GPC6: variants seen among roughly 807,000 people sequenced by gnomAD.
The protein encoded by GPC6 is glypican 6.
In GPC6, 14 loss-of-function variants were observed where a neutral mutation model predicts 55.2. The ratio of observed to expected loss-of-function variants is 0.25; its 90% CI spans 0.17 to 0.40. The LOEUF is 0.40. Ranked by LOEUF, GPC6 falls within the 10% of genes least tolerant of loss-of-function variation. GPC6 has a pLI of 1.00. For missense variants in GPC6, 641 were observed against 708.5 expected (o/e 0.90, Z 1.08); for synonymous variants, 278 against 259.6 (o/e 1.07, Z -0.68).
At chr13:93,370,466 A>G (rs979032503) in intron 1 of GPC6, among the ~76,000 whole-genome samples, 1 of 152,154 alleles carries the variant, frequency 6.6e-6, no homozygotes, top group East Asian at 1.9e-4. Context: ...GGGAAAAATA[A>G]TGCTGGATTT....
intron 4 of GPC6, among the ~76,000 whole-genome samples, chr13:94,205,115 T>C (rs1889864188): frequency 1.3e-5 from 2 of 152,228 alleles, no homozygotes; most frequent in South Asian, 4.1e-4. Flanking sequence ...AAAGCATCTG[T>C]TGCCTGTAAA....
At position 93,582,007 on chromosome 13, in the gene GPC6, C is replaced by T. The variant is rs139872498; in HGVS notation, c.319+36586C>T. ...TGCTATACTGAGATTAAAGAAGTTC[C>T]TCTGGGTATGCAGAGAGAGACGGTT... On this transcript the variant is annotated intron_variant, in intron 2 of 8. Coordinates refer to ENST00000377047, the MANE Select transcript of GPC6 (RefSeq NM_005708.5). 2.0e-3 allele frequency among the ~76,000 whole-genome samples: 300 copies of T among 152,216 alleles called. 1 individual carries two copies. Among genetic ancestry groups the T allele is most frequent in the African/African-American group, 7.1e-3 (294 of 41,530 alleles).
intron 1 of GPC6, among the ~76,000 whole-genome samples, chr13:93,339,343 T>C (rs952174642): frequency 6.6e-6 from 1 of 151,606 alleles, no homozygotes; most frequent in Non-Finnish European, 1.5e-5. Context: ...CTTCTCTGTA[T>C]TTTCTGTGTG....
intron 1 of GPC6, among the ~76,000 whole-genome samples, chr13:93,473,175 C>G (rs1879184791): frequency 1.3e-5 from 2 of 152,198 alleles, no homozygotes; most frequent in African/African-American, 4.8e-5. Flanking sequence ...CACCAGGGAC[C>G]TGCCCCCTTT....
chr13:93,677,972 T>C (rs945290770), intron 2 of GPC6, among the ~76,000 whole-genome samples: 2 of 152,112 alleles, frequency 1.3e-5, no homozygotes, highest in African/African-American at 4.8e-5. Flanking sequence ...GATTAAAAAA[T>C]TTAAATACTA....
chr13:93,489,254 C>T lies in GPC6; in HGVS notation c.161-56009C>T, dbSNP rs1318940002. On this transcript the variant is annotated intron_variant, in intron 1 of 8. Transcript: ENST00000377047. ...TCCTTTCCCTATTTCTTGCTTTTGTCAGGTTTGTCAAAGATCAGATGGTTG... is the reference window on the plus strand; with the variant it reads ...TCCTTTCCCTATTTCTTGCTTTTGTTAGGTTTGTCAAAGATCAGATGGTTG... Among the ~76,000 whole-genome samples, 4 of 151,420 alleles carry T rather than the reference C, an allele frequency of 2.6e-5. 1 individual carries two copies. The highest frequency in any genetic ancestry group is 4.4e-4 in the East Asian group (2 of 4,528).
rs919139802 is a variant in GPC6, at chr13:94,308,371, T to C, written c.1152+2248T>C. On this transcript the variant is annotated intron_variant, in intron 6 of 8. Transcript: ENST00000377047. Reference sequence around the variant, plus strand: ...ATTTGAACCTTTTATAAAGGAACTTTATTGGTAATGTTCAAAATGCTCTAG... The same window carrying C: ...ATTTGAACCTTTTATAAAGGAACTTCATTGGTAATGTTCAAAATGCTCTAG... Among the ~76,000 whole-genome samples, 31 of 152,354 alleles carry C rather than the reference T, an allele frequency of 2.0e-4. 1 individual carries two copies. The highest frequency in any genetic ancestry group is 2.0e-3 in the Admixed American group (31 of 15,304).
Position 93,271,267 on chromosome 13 carries a change from G to C in GPC6, c.160+43651G>C, listed in dbSNP as rs73540362. ...TCTCTTGACCTTTATCTTCTGCTTT[G>C]TGTAATTTTAACTCAACTACGTTAC... On this transcript the variant is annotated intron_variant, in intron 1 of 8. Transcript: ENST00000377047. Among the ~76,000 whole-genome samples the C allele has an allele frequency of 5.1e-3, 778 of 152,180 alleles. 5 individuals are homozygous for C. Among genetic ancestry groups the C allele is most frequent in the African/African-American group, 0.016 (679 of 41,502 alleles).
chr13:94,175,411 T>C (rs1046472988), intron 4 of GPC6, among the ~76,000 whole-genome samples: 1 of 152,222 alleles, frequency 6.6e-6, no homozygotes, highest in African/African-American at 2.4e-5. Flanking sequence ...TGCCAATTCC[T>C]ACTCTATGGT....
At chr13:94,033,221 T>A (rs540970455) in intron 4 of GPC6, among the ~76,000 whole-genome samples, 1 of 152,214 alleles carries the variant, frequency 6.6e-6, no homozygotes, top group African/African-American at 2.4e-5. Flanking sequence ...GTTAATGGAC[T>A]CATGAGTGCA....
intron 4 of GPC6, among the ~76,000 whole-genome samples, chr13:94,194,272 A>T (rs1889492817): frequency 6.6e-6 from 1 of 152,196 alleles, no homozygotes; most frequent in Admixed American, 6.5e-5. Flanking sequence ...GTTTTTGGGG[A>T]TAGGTATGTG....
intron 3 of GPC6, among the ~76,000 whole-genome samples, chr13:93,843,446 A>G (rs368709176): frequency 1.3e-5 from 2 of 152,182 alleles, no homozygotes; most frequent in African/African-American, 4.8e-5. Flanking sequence ...TAAAGGGGAG[A>G]TAAGGAATGA....
intron 1 of GPC6, among the ~76,000 whole-genome samples, chr13:93,353,785 C>T (rs1594113805): frequency 6.6e-6 from 1 of 152,162 alleles, no homozygotes; most frequent in Middle Eastern, 3.2e-3. Flanking sequence ...ATGTCCCTTG[C>T]CATTTTCACT....
intron 1 of GPC6, among the ~76,000 whole-genome samples, chr13:93,301,669 T>A (rs1338272707): frequency 6.6e-6 from 1 of 152,204 alleles, no homozygotes; most frequent in African/African-American, 2.4e-5. Flanking sequence ...CCTGTTTCTG[T>A]CATCTCTAGG....
At chr13:94,133,356 A>G (rs555922004) in intron 4 of GPC6, among the ~76,000 whole-genome samples, 3 of 151,900 alleles carry the variant, frequency 2.0e-5, no homozygotes, top group Non-Finnish European at 4.4e-5. Context: ...AAAATATAAG[A>G]TGTGAAATAG....
intron 1 of GPC6, among the ~76,000 whole-genome samples, chr13:93,450,053 T>C (rs1176350695): frequency 6.6e-6 from 1 of 152,138 alleles, no homozygotes; most frequent in Non-Finnish European, 1.5e-5. Flanking sequence ...AAGTGCTGTG[T>C]GCGATTACAG....
intron 3 of GPC6, among the ~76,000 whole-genome samples, chr13:94,012,225 T>C (rs1172843849): frequency 1.3e-5 from 2 of 152,208 alleles, no homozygotes; most frequent in African/African-American, 4.8e-5. Context: ...ATTACCAAAC[T>C]AGTGTATAAT....
intron 4 of GPC6, among the ~76,000 whole-genome samples, chr13:94,138,786 T>C (rs772367201): frequency 2.0e-5 from 3 of 152,042 alleles, no homozygotes; most frequent in Non-Finnish European, 2.9e-5. Flanking sequence ...ACAATGACAA[T>C]AGCGACAAGG....
chr13:93,635,992 C>G (rs1026703133), intron 2 of GPC6, among the ~76,000 whole-genome samples: 2 of 152,016 alleles, frequency 1.3e-5, no homozygotes, highest in African/African-American at 2.4e-5. Context: ...GGACAAAACT[C>G]GGCTCCACAT....
Sources: gnomAD v4.1 joint callset for allele counts (sites outside exome capture counted in the v4.1 genomes callset) on GRCh38, gnomAD v4.1.1 for gene constraint, MANE v1.5 for transcripts, NCBI Gene and HGNC (gene_info 2026-07-23, HGNC 2026-07-21) for gene names.